TYW5: variants seen among roughly 807,000 people sequenced by gnomAD.
TYW5 encodes the protein tRNA-yW synthesizing protein 5, also known as tRNA wybutosine-synthesizing protein 5.
A neutral mutation model predicts 44.4 loss-of-function variants in TYW5; 36 were observed. That is an observed-to-expected ratio of 0.81 (90% CI 0.62 to 1.07). The LOEUF (loss-of-function observed/expected upper bound fraction) is 1.07. Among genes scored for constraint, TYW5 ranks in the 50% least tolerant of loss-of-function variants. TYW5 has a pLI of 0.00. For synonymous variants in TYW5, 121 were observed against 128.1 expected, an observed-to-expected ratio of 0.94 and a Z score of 0.37; for missense variants, 354 against 365.7, an observed-to-expected ratio of 0.97 and a Z score of 0.26.
chr2:199,939,892 C>G (rs1251176983), intron 4 of TYW5, among the ~76,000 whole-genome samples, 197 bp downstream of exon 4: 1 of 152,126 alleles, frequency 6.6e-6, no homozygotes, highest in Non-Finnish European at 1.5e-5. Flanking sequence ...TAAGATTCTA[C>G]AGGCCTACCT....
intron 3 of TYW5, chr2:199,943,162 G>A (rs944944090): frequency 2.0e-5 from 3 of 152,108 alleles, no homozygotes; most frequent in African/African-American, 7.2e-5. Flanking sequence ...GACCAACACA[G>A]GAAATTTTTA....
In TYW5 at chr2:199,933,023, AT is replaced by A; in HGVS notation, c.*43del. ...AACAAAATCTTTAATTTATATCGTT[AT>A]ACCTTACTAAAGTGTTAATGTGCAT... On this transcript the variant is annotated 3_prime_UTR_variant, in exon 8 of 8. Coordinates refer to ENST00000354611, the MANE Select transcript of TYW5 (RefSeq NM_001039693.3). 1 of 1,593,172 alleles carries A rather than the reference AT, an allele frequency of 6.3e-7. No homozygotes were observed. The highest frequency in any genetic ancestry group is 8.5e-7 in the Non-Finnish European group (1 of 1,170,252).
chr2:199,942,514 G>T (rs1357163704), intron 3 of TYW5: 2 of 152,072 alleles, frequency 1.3e-5, no homozygotes, highest in Admixed American at 1.3e-4. Flanking sequence ...ACATTTCATG[G>T]CTATTTAAAT....
chr2:199,943,857 C>A (rs775379961), intron 2 of TYW5, 23 bp from the exon 3 acceptor site: 1 of 1,585,840 alleles, frequency 6.3e-7, no homozygotes, highest in East Asian at 2.2e-5. Context: ...CAAAGGAATC[C>A]TTGGACTTAA....
chr2:199,929,374 A>G lies in TYW5; in HGVS notation c.*3693T>C, dbSNP rs1412677164. Reference sequence around the variant, plus strand: ...TAGAGACTACAACTTAGGTATATTTAAGACACCCAAAAACTTGTGGCTTGT... The same window carrying G: ...TAGAGACTACAACTTAGGTATATTTGAGACACCCAAAAACTTGTGGCTTGT... On this transcript the variant is annotated 3_prime_UTR_variant, in exon 8 of 8. Transcript: ENST00000354611. Among the ~76,000 whole-genome samples, 8 of 152,180 alleles carry G rather than the reference A, an allele frequency of 5.3e-5. No individual in the cohort carries two copies. Among genetic ancestry groups the G allele is most frequent in the Admixed American group, 5.2e-4 (8 of 15,278 alleles).
At position 199,931,048 on chromosome 2, in the gene TYW5, G is replaced by A. The variant is rs2077373555; in HGVS notation, c.*2019C>T. The A allele has an allele frequency of 1.3e-5, 2 of 152,114 alleles. No homozygotes were observed. Among genetic ancestry groups the A allele is most frequent in the Admixed American group, 1.3e-4 (2 of 15,268 alleles). 9.4% of individuals were successfully genotyped at this position (152,114 alleles called of 1,614,324 possible). A position where few individuals can be genotyped will look rare whatever the true frequency, so the allele number is the denominator to read the frequency against. On this transcript the variant is annotated 3_prime_UTR_variant, in exon 8 of 8. Coordinates refer to ENST00000354611, the MANE Select transcript of TYW5 (RefSeq NM_001039693.3). ...ATAAACAGACCCTAATATTAATTATGACCAGGGAAATAATTTTAAAACATC... is the reference window on the plus strand; with the variant it reads ...ATAAACAGACCCTAATATTAATTATAACCAGGGAAATAATTTTAAAACATC...
Position 199,955,464 on chromosome 2 carries a change from C to G in TYW5, c.7G>C (p.Gly3Arg). The change falls in exon 1 of 8, where the codon GGG becomes CGG. Residue 3 changes from glycine (G) to arginine (R), a missense_variant. Coordinates refer to ENST00000354611, the MANE Select transcript of TYW5 (RefSeq NM_001039693.3). Reference sequence around the variant, plus strand: ...AGCCGGGGTACCGGGAGGTGCTGCCCGGCCATGGTTGCTCACGCCTGCCCT... The same window carrying G: ...AGCCGGGGTACCGGGAGGTGCTGCCGGGCCATGGTTGCTCACGCCTGCCCT... MA[G>R]QHLPVPRLEG... 6.2e-7 allele frequency: 1 copy of G among 1,613,724 alleles called. No homozygotes were observed. The highest frequency in any genetic ancestry group is 8.5e-7 in the Non-Finnish European group (1 of 1,179,918).
Position 199,948,481 on chromosome 2 carries a change from G to T in TYW5, c.79-9C>A. 2 of 1,613,528 alleles carry T rather than the reference G, an allele frequency of 1.2e-6. No individual in the cohort carries two copies. The highest frequency in any genetic ancestry group is 1.7e-6 in the Non-Finnish European group (2 of 1,179,840). On this transcript the variant is annotated splice_polypyrimidine_tract_variant and intron_variant, in intron 1 of 7. Coordinates refer to ENST00000354611, the MANE Select transcript of TYW5 (RefSeq NM_001039693.3). ...AACACAAGAGGTTTTCTCTGTAAGTGGGGAAAGAAATACAACAAAATTCAT... is the reference window on the plus strand; with the variant it reads ...AACACAAGAGGTTTTCTCTGTAAGTTGGGAAAGAAATACAACAAAATTCAT...
chr2:199,936,328 C>T, intron 6 of TYW5, 77 bp downstream of exon 6: 1 of 1,252,622 alleles, frequency 8.0e-7, no homozygotes, highest in East Asian at 2.3e-5. Context: ...TGTTCTTTTC[C>T]TATAAGAATC....
In TYW5 at chr2:199,930,234, A is replaced by C. The variant is rs934932690; in HGVS notation, c.*2833T>G. On this transcript the variant is annotated 3_prime_UTR_variant, in exon 8 of 8. Transcript: ENST00000354611. ...TCAGATGATCCACCCACCTCGGTGC[A>C]TATAGTATTTTTAAAATGTATTTTG... The C allele has an allele frequency of 2.0e-5, 3 of 152,074 alleles. No individual in the cohort carries two copies. The highest frequency in any genetic ancestry group is 7.2e-5 in the African/African-American group (3 of 41,394). 9.4% of individuals were successfully genotyped at this position (152,074 alleles called of 1,614,324 possible). A position where few individuals can be genotyped will look rare whatever the true frequency, so the allele number is the denominator to read the frequency against.
intron 1 of TYW5, among the ~76,000 whole-genome samples, chr2:199,952,054 A>G (rs1341439171): frequency 1.3e-5 from 2 of 152,026 alleles, no homozygotes; most frequent in Non-Finnish European, 2.9e-5. Flanking sequence ...CCTAGAAATC[A>G]CCACTTATCA....
At chr2:199,952,209 C>T (rs1178501760) in intron 1 of TYW5, among the ~76,000 whole-genome samples, 2 of 151,998 alleles carry the variant, frequency 1.3e-5, no homozygotes, top group African/African-American at 2.4e-5. Context: ...TAAATATTTA[C>T]ACATTTTTGG....
intron 7 of TYW5, 38 bp from the exon 8 acceptor site, chr2:199,933,361 TAC>T: frequency 6.5e-7 from 1 of 1,544,456 alleles, no homozygotes; most frequent in Non-Finnish European, 8.7e-7. Flanking sequence ...AAATAAAACC[TAC>T]AGTTAAAAAA....
intron 6 of TYW5, 135 bp from the exon 7 acceptor site, chr2:199,936,182 T>C: frequency 2.9e-6 from 2 of 695,640 alleles, no homozygotes; most frequent in East Asian, 2.6e-5. Flanking sequence ...AGAATTACTA[T>C]GCTACTGACA....
chr2:199,932,840 G>T lies in TYW5; in HGVS notation c.*227C>A. 1 of 509,816 alleles carries T rather than the reference G, an allele frequency of 2.0e-6. No homozygotes were observed. The highest frequency in any genetic ancestry group is 3.4e-6 in the Non-Finnish European group (1 of 293,358). The allele number at this position is 509,816 out of a possible 1,614,324, so 31.6% of individuals were successfully genotyped here. Reference sequence around the variant, plus strand: ...CAATATATTTTCTTACTGTTTTTAAGTCATTTTAAGTTGGACTTTTAGTGG... The same window carrying T: ...CAATATATTTTCTTACTGTTTTTAATTCATTTTAAGTTGGACTTTTAGTGG... On this transcript the variant is annotated 3_prime_UTR_variant, in exon 8 of 8. Transcript: ENST00000354611.
chr2:199,945,167 T>A (rs956516213), intron 2 of TYW5: 19 of 152,182 alleles, frequency 1.2e-4, no homozygotes, highest in African/African-American at 4.6e-4. Flanking sequence ...GGACCATATG[T>A]CTTACCTAAG....
chr2:199,933,151 C>T lies in TYW5; in HGVS notation c.864G>A (p.Glu288=). Residue 288 remains glutamate, a synonymous_variant, in exon 8 of 8, where the codon GAG becomes GAA. Transcript: ENST00000354611. ...AGAAGTCCCTATATTCCTCTGGTAA[C>T]TCGGCCAGTGTTTTCAAGGCTCTGT... is the stretch of plus-strand genomic sequence containing the variant. ...ILDRALKTLA[E]LPEEYRDFYA... 1 of 1,614,106 alleles carries T rather than the reference C, an allele frequency of 6.2e-7. No homozygotes were observed. The highest frequency in any genetic ancestry group is 8.5e-7 in the Non-Finnish European group (1 of 1,180,004).
intron 1 of TYW5, among the ~76,000 whole-genome samples, chr2:199,949,225 T>C (rs2077526176): frequency 6.6e-6 from 1 of 151,596 alleles, no homozygotes; most frequent in African/African-American, 2.4e-5. Context: ...AAAAGAAAAT[T>C]TGAAGTGTGG....
At chr2:199,933,419 G>A in intron 7 of TYW5, 96 bp from the exon 8 acceptor site, 2 of 1,033,768 alleles carry the variant, frequency 1.9e-6, no homozygotes, top group Non-Finnish European at 2.8e-6. Context: ...TATAGCCAAT[G>A]TAAGAAATAA....
Sources: gnomAD v4.1 joint callset for allele counts (sites outside exome capture counted in the v4.1 genomes callset) on GRCh38, gnomAD v4.1.1 for gene constraint, MANE v1.5 for transcripts, NCBI Gene and HGNC (gene_info 2026-07-23, HGNC 2026-07-21) for gene names.